The following CREB5 variants were observed in gnomAD, a reference collection of about 807,000 sequenced individuals.
CREB5 encodes the protein cAMP responsive element binding protein 5, also known as cyclic AMP-responsive element-binding protein 5.
Under a neutral mutation model 57.1 loss-of-function variants are expected in CREB5, and 19 were observed. The observed-to-expected ratio is 0.33, with a 90% confidence interval of 0.23 to 0.49. CREB5 has a LOEUF of 0.49. Ranked by LOEUF, CREB5 falls within the 20% of genes least tolerant of loss-of-function variation. The pLI is 0.99. For synonymous variants in CREB5, 238 were observed against 238.3 expected (o/e 1.00, Z 0.01); for missense variants, 579 against 671.6 (o/e 0.86, Z 1.52).
At chr7:28,414,141 T>A (rs1489855441) in intron 1 of CREB5, among the ~76,000 whole-genome samples, 1 of 152,132 alleles carries the variant, frequency 6.6e-6, no homozygotes. Flanking sequence ...ATTTTTGTCA[T>A]CTTTTCTTTC....
rs376903550 is a variant in CREB5 at position 28,543,675 on chromosome 7, C to G, written c.292-26690C>G. On this transcript the variant is annotated intron_variant, in intron 4 of 10. Transcript: ENST00000357727. ...AGATCTTATCAGAATAAATCTCAAT[C>G]CAGTCCACTGGAGAATAAAGAAAAT... Among the ~76,000 whole-genome samples the G allele has an allele frequency of 2.7e-5, 4 of 150,888 alleles. No homozygotes were observed. The East Asian group carries it at 5.8e-4, about 22-fold the overall frequency.
intron 4 of CREB5, among the ~76,000 whole-genome samples, chr7:28,550,848 G>T (rs1046506959): frequency 6.6e-6 from 1 of 152,182 alleles, no homozygotes; most frequent in Admixed American, 6.5e-5. Context: ...AAAGCCAGGG[G>T]CCGTTAAGAT....
At chr7:28,560,923 C>T (rs200062928) in intron 4 of CREB5, among the ~76,000 whole-genome samples, 4,038 of 19,328 alleles carry the variant, frequency 0.21, 584 homozygotes, top group East Asian at 0.56. Context: ...TGCGTGTGTG[C>T]GCGTGCGTGT....
At chr7:28,790,219 C>T (rs1218386523) in intron 7 of CREB5, among the ~76,000 whole-genome samples, 1 of 152,140 alleles carries the variant, frequency 6.6e-6, no homozygotes, top group Non-Finnish European at 1.5e-5. Context: ...TAATACAAAT[C>T]AATTCAGTTC....
At chr7:28,503,362 A>C (rs1792345410) in intron 3 of CREB5, among the ~76,000 whole-genome samples, 1 of 152,220 alleles carries the variant, frequency 6.6e-6, no homozygotes, top group African/African-American at 2.4e-5. Flanking sequence ...ATAGAACTGC[A>C]TTACAATCCT....
chr7:28,343,775 T>C (rs1423687006), intron 1 of CREB5, among the ~76,000 whole-genome samples: 2 of 152,196 alleles, frequency 1.3e-5, no homozygotes, highest in African/African-American at 4.8e-5. Flanking sequence ...TTTTTACTTT[T>C]TGGGGAAACT....
At chr7:28,422,134 G>A (rs1315001899) in intron 1 of CREB5, among the ~76,000 whole-genome samples, 1 of 152,114 alleles carries the variant, frequency 6.6e-6, no homozygotes, top group East Asian at 1.9e-4. Flanking sequence ...GACTCAGAAA[G>A]GAGGAGGCCC....
In CREB5 at chr7:28,517,538, G is replaced by C. The variant is rs1027987824; in HGVS notation, c.291+9801G>C. On this transcript the variant is annotated intron_variant, in intron 4 of 10. Coordinates refer to ENST00000357727, the MANE Select transcript of CREB5 (RefSeq NM_182898.4). Reference sequence around the variant, plus strand: ...AGTCCCACCAAAGTCCAAAGACTTAGGAAAGTTGATCAAACGGTGGATTTT... The same window carrying C: ...AGTCCCACCAAAGTCCAAAGACTTACGAAAGTTGATCAAACGGTGGATTTT... Among the ~76,000 whole-genome samples the C allele has an allele frequency of 3.9e-5, 6 of 152,296 alleles. No homozygotes were observed. The East Asian group carries it at 1.2e-3, about 29-fold the overall frequency.
intron 1 of CREB5, among the ~76,000 whole-genome samples, chr7:28,343,890 C>T (rs1363559258): frequency 6.6e-6 from 1 of 152,148 alleles, no homozygotes; most frequent in Non-Finnish European, 1.5e-5. Flanking sequence ...TTTATTACAG[C>T]CATTCCAAGT....
chr7:28,550,690 A>G (rs1794602416), intron 4 of CREB5, among the ~76,000 whole-genome samples: 1 of 152,192 alleles, frequency 6.6e-6, no homozygotes, highest in Admixed American at 6.5e-5. Flanking sequence ...CCTGTGTGAT[A>G]TCAATAACCC....
Position 28,350,705 on chromosome 7 carries a change from C to T in CREB5, c.-25+51264C>T, listed in dbSNP as rs533311808. 2.4e-3 allele frequency among the ~76,000 whole-genome samples: 362 copies of T among 152,122 alleles called. 2 individuals carry two copies. The highest frequency in any genetic ancestry group is 3.3e-3 in the Non-Finnish European group (222 of 68,012). ...GCATGGAGGCCAGACATTCATTCTGCGATCCCAGGGAGAGCCCTGAGCTTC... is the reference window on the plus strand; with the variant it reads ...GCATGGAGGCCAGACATTCATTCTGTGATCCCAGGGAGAGCCCTGAGCTTC... On this transcript the variant is annotated intron_variant, in intron 1 of 9. Transcript: ENST00000396299.
At position 28,450,390 on chromosome 7, in the gene CREB5, G is replaced by A. The variant is rs141157742; in HGVS notation, c.3+37473G>A. ...TCAAAAATTATCCCAGTTCTAAAGC[G>A]TGATACCTGCTGTTCTAAACTGCCA... On this transcript the variant is annotated intron_variant, in intron 1 of 10. Transcript: ENST00000357727. 5.2e-3 allele frequency among the ~76,000 whole-genome samples: 787 copies of A among 152,306 alleles called. 6 individuals carry two copies. The highest frequency in any genetic ancestry group is 0.017 in the African/African-American group (727 of 41,558).
At chr7:28,760,187 T>C (rs1441511368) in intron 7 of CREB5, among the ~76,000 whole-genome samples, 1 of 152,232 alleles carries the variant, frequency 6.6e-6, no homozygotes, top group East Asian at 1.9e-4. Context: ...ACCCTCTGAG[T>C]CTGTATTTCC....
chr7:28,511,701 G>T (rs537784659), intron 4 of CREB5, among the ~76,000 whole-genome samples: 2 of 152,264 alleles, frequency 1.3e-5, no homozygotes, highest in South Asian at 4.1e-4. Context: ...GCCCAGGCCG[G>T]TCTCAAACTC....
chr7:28,389,511 T>G (rs1388920755), intron 1 of CREB5, among the ~76,000 whole-genome samples: 1 of 152,176 alleles, frequency 6.6e-6, no homozygotes, highest in South Asian at 2.1e-4. Context: ...TTTTCTTCAA[T>G]TTAATCTTGT....
intron 4 of CREB5, among the ~76,000 whole-genome samples, chr7:28,559,689 A>G (rs778391487): frequency 6.6e-6 from 1 of 152,260 alleles, no homozygotes; most frequent in Admixed American, 6.5e-5. Flanking sequence ...GAAATTGTCT[A>G]TCAGTTGCTG....
At chr7:28,745,124 C>A (rs553474323) in intron 7 of CREB5, among the ~76,000 whole-genome samples, 16 of 152,320 alleles carry the variant, frequency 1.1e-4, no homozygotes, top group African/African-American at 3.4e-4. Flanking sequence ...ATCTCTCTTG[C>A]TCCACGCTGG....
chr7:28,321,232 AC>A (rs1211299979), intron 1 of CREB5, among the ~76,000 whole-genome samples: 1 of 151,216 alleles, frequency 6.6e-6, no homozygotes, highest in African/African-American at 2.4e-5. Flanking sequence ...TTTTTTTTGT[AC>A]CCTTCATCCT....
intron 4 of CREB5, among the ~76,000 whole-genome samples, chr7:28,547,075 T>C (rs1794450905): frequency 6.6e-6 from 1 of 152,280 alleles, no homozygotes; most frequent in Non-Finnish European, 1.5e-5. Flanking sequence ...AATTTAGTTA[T>C]GTGGGATGTG....
Sources: allele counts gnomAD v4.1 joint callset (sites outside exome capture counted in the v4.1 genomes callset), GRCh38; gene constraint gnomAD v4.1.1; transcripts MANE v1.5; gene names NCBI Gene and HGNC (gene_info 2026-07-23, HGNC 2026-07-21).